EFL1: variants seen among roughly 807,000 people sequenced by gnomAD.
EFL1 encodes elongation factor-like GTPase 1.
Under a neutral mutation model 126.7 loss-of-function variants are expected in EFL1, and 76 were observed. That is an observed-to-expected ratio of 0.60 (90% CI 0.50 to 0.73). The LOEUF is 0.73. EFL1 is among the 30% of genes least tolerant of loss of function. The probability of loss-of-function intolerance (pLI) is 0.00; values close to 1 mark genes in which losing one functional copy is unlikely to be tolerated. For synonymous variants in EFL1, 410 were observed against 448.4 expected (o/e 0.91, Z 1.08); for missense variants, 1,128 against 1,343.2 (o/e 0.84, Z 2.50).
Position 82,261,898 on chromosome 15 carries a change from C to T in EFL1, c.-19-101G>A. On this transcript the variant is annotated intron_variant, in intron 1 of 19. Coordinates refer to ENST00000268206, the MANE Select transcript of EFL1 (RefSeq NM_024580.6). ...TGGGAGGTGGCAAGCTTCTCAAACC[C>T]CTTAAACCAAGAACCCAGTGAATGT... is the stretch of plus-strand genomic sequence containing the variant. 14 of 822,648 alleles carry T rather than the reference C, an allele frequency of 1.7e-5. No homozygotes were observed. In the South Asian group the frequency reaches 2.2e-4, roughly 13 times the overall value. The allele number at this position is 822,648 out of a possible 1,614,324, so 51.0% of individuals were successfully genotyped here.
chr15:82,218,931 G>A (rs1354194464), intron 14 of EFL1, among the ~76,000 whole-genome samples: 1 of 152,098 alleles, frequency 6.6e-6, no homozygotes, highest in African/African-American at 2.4e-5. Flanking sequence ...CAGACAGGCT[G>A]CTTCCTGCAC....
chr15:82,130,666 T>A lies in EFL1; in HGVS notation c.3175-105A>T. The A allele has an allele frequency of 2.4e-6, 3 of 1,237,356 alleles. No homozygotes were observed. The South Asian group carries it at 4.5e-5, about 19-fold the overall frequency. The allele number at this position is 1,237,356 out of a possible 1,614,324, so 76.6% of individuals were successfully genotyped here. ...ATAGTCTTAGCTAATGAAAAAAAGT[T>A]AGGCAATGAACAGCTAAGCTTGCTA... is the stretch of plus-strand genomic sequence containing the variant. On this transcript the variant is annotated intron_variant, in intron 19 of 19. Coordinates refer to ENST00000268206, the MANE Select transcript of EFL1 (RefSeq NM_024580.6).
intron 12 of EFL1, among the ~76,000 whole-genome samples, chr15:82,224,608 G>T (rs2074742791): frequency 6.6e-6 from 1 of 152,216 alleles, no homozygotes; most frequent in African/African-American, 2.4e-5. Flanking sequence ...GGAGGTTGCT[G>T]CAACAATATC....
rs1194770123 is a variant in EFL1, at chr15:82,261,719, C to T, written c.60G>A (p.Arg20=). The change falls in exon 2 of 20, where the codon AGG becomes AGA. Residue 20 remains arginine (R), a synonymous_variant. Transcript: ENST00000268206. ...IQLQKNTANI[R]NICVLAHVDH... is the part of the protein sequence containing the mutation. ...CAACATGAGCCAAAACACAAATATT[C>T]CTGATGTTGGCAGTGTTTTTCTGGA... is the stretch of plus-strand genomic sequence containing the variant. 5 of 1,614,014 alleles carry T rather than the reference C, an allele frequency of 3.1e-6. No individual in the cohort carries two copies. Among genetic ancestry groups the T allele is most frequent in the Non-Finnish European group, 4.2e-6 (5 of 1,180,000 alleles).
chr15:82,239,542 T>C (rs1347157956), intron 6 of EFL1, among the ~76,000 whole-genome samples: 1 of 152,204 alleles, frequency 6.6e-6, no homozygotes, highest in Non-Finnish European at 1.5e-5. Context: ...CAAGTTGCTC[T>C]CATCAACAGC....
At chr15:82,144,854 G>A (rs973182985) in intron 18 of EFL1, among the ~76,000 whole-genome samples, 2 of 152,012 alleles carry the variant, frequency 1.3e-5, no homozygotes, top group Non-Finnish European at 2.9e-5. Flanking sequence ...TTAGCTGGGC[G>A]TGGTGGTGCG....
At chr15:82,151,352 C>G in intron 18 of EFL1, 113 bp downstream of exon 18, 1 of 1,016,240 alleles carries the variant, frequency 9.8e-7, no homozygotes, top group Admixed American at 2.3e-5. Flanking sequence ...TGTGCCACTG[C>G]ACTCCAGCTG....
At chr15:82,160,915 T>A (rs1014766789) in intron 16 of EFL1, among the ~76,000 whole-genome samples, 1 of 152,180 alleles carries the variant, frequency 6.6e-6, no homozygotes, top group Non-Finnish European at 1.5e-5. Flanking sequence ...AATGAGATAA[T>A]CAATGTAAAA....
chr15:82,183,087 T>G (rs769907266), intron 15 of EFL1, among the ~76,000 whole-genome samples: 5 of 152,158 alleles, frequency 3.3e-5, no homozygotes, highest in Non-Finnish European at 4.4e-5. Flanking sequence ...GCCCACCTGA[T>G]ACCGAGGTTT....
At chr15:82,216,292 G>A (rs1214611156) in intron 14 of EFL1, among the ~76,000 whole-genome samples, 1 of 152,130 alleles carries the variant, frequency 6.6e-6, no homozygotes, top group Non-Finnish European at 1.5e-5. Flanking sequence ...ATTATAAAAT[G>A]CTGATTCATG....
At chr15:82,131,788 G>C (rs112374592) in intron 19 of EFL1, among the ~76,000 whole-genome samples, 7,624 of 151,686 alleles carry the variant, frequency 0.05, 510 homozygotes, top group African/African-American at 0.15. Context: ...GTGAAACTCT[G>C]TCTCAAAAGA....
chr15:82,135,857 G>A (rs540616228), intron 19 of EFL1, among the ~76,000 whole-genome samples: 2 of 152,284 alleles, frequency 1.3e-5, no homozygotes, highest in African/African-American at 4.8e-5. Flanking sequence ...TGATGCGGGA[G>A]GTAGAACGGC....
In EFL1 at chr15:82,248,183, C is replaced by T. The variant is rs148558290; in HGVS notation, c.244+4508G>A. Among the ~76,000 whole-genome samples, 43 of 152,220 alleles carry T rather than the reference C, an allele frequency of 2.8e-4. No homozygotes were observed. The East Asian group carries it at 7.5e-3, about 27-fold the overall frequency. On this transcript the variant is annotated intron_variant, in intron 4 of 19. Transcript: ENST00000268206. ...GACACCTAGCTCAGAAGTGAACTAT[C>T]GTGTACCTAGTTTCTTAGGCCTGGC... is the stretch of plus-strand genomic sequence containing the variant.
At chr15:82,196,521 T>C (rs773011943) in intron 15 of EFL1, among the ~76,000 whole-genome samples, 12 of 152,242 alleles carry the variant, frequency 7.9e-5, no homozygotes, top group Non-Finnish European at 1.6e-4. Context: ...AATAAAATTA[T>C]AGCTAATAAG....
At position 82,229,065 on chromosome 15, in the gene EFL1, T is replaced by C; in HGVS notation, c.901A>G (p.Ile301Val). 6.2e-7 allele frequency: 1 copy of C among 1,612,222 alleles called. No homozygotes were observed. Among genetic ancestry groups the C allele is most frequent in the East Asian group, 2.2e-5 (1 of 44,758 alleles). Residue 301 changes from isoleucine to valine, a missense_variant, in exon 9 of 20, where the codon ATA becomes GTA. Physicochemically the swap from Ile to Val is conservative, Grantham distance 29. Coordinates refer to ENST00000268206, the MANE Select transcript of EFL1 (RefSeq NM_024580.6). Reference sequence around the variant, plus strand: ...AAAACAGCATCATACAAACTCCATATATTTTCCAGGATCAACTGTACAAAT... The same window carrying C: ...AAAACAGCATCATACAAACTCCATACATTTTCCAGGATCAACTGTACAAAT... ...PLFVQLILEN[I>V]WSLYDAVLKK...
intron 3 of EFL1, among the ~76,000 whole-genome samples, chr15:82,257,757 T>A (rs1188599836): frequency 1.3e-5 from 2 of 152,214 alleles, no homozygotes; most frequent in Non-Finnish European, 2.9e-5. Context: ...TTAATTAAAG[T>A]CCATAGTTTA....
intron 3 of EFL1, 35 bp downstream of exon 3, chr15:82,259,053 G>A: frequency 6.3e-7 from 1 of 1,576,034 alleles, no homozygotes; most frequent in Non-Finnish European, 8.7e-7. Context: ...AGCTAATACT[G>A]AAATGCAACA....
At position 82,157,730 on chromosome 15, in the gene EFL1, C is replaced by T. The variant is rs766820458; in HGVS notation, c.2013G>A (p.Leu671=). 5 of 1,612,350 alleles carry T rather than the reference C, an allele frequency of 3.1e-6. No individual in the cohort carries two copies. In the South Asian group the frequency reaches 3.3e-5, roughly 11 times the overall value. The change falls in exon 17 of 20, where the codon CTG becomes CTA. Residue 671 remains leucine, a synonymous_variant. Coordinates refer to ENST00000268206, the MANE Select transcript of EFL1 (RefSeq NM_024580.6). ...TAGEVHLQRC[L]DDLKERFAKI... is the part of the protein sequence containing the mutation. The stretch of plus-strand genomic sequence containing the variant: ...CACCTAACCTTTCTTTTAAGTCATC[C>T]AGGCATCGCTGAAGGTGGACTTCTC...
intron 4 of EFL1, among the ~76,000 whole-genome samples, chr15:82,245,951 G>A (rs894449036): frequency 1.3e-5 from 2 of 149,892 alleles, no homozygotes; most frequent in African/African-American, 4.9e-5. Context: ...AAAAAAAAGT[G>A]ACAGGGGTTA....
Sources: allele counts gnomAD v4.1 joint callset (sites outside exome capture counted in the v4.1 genomes callset), GRCh38; gene constraint gnomAD v4.1.1; transcripts MANE v1.5; gene names NCBI Gene and HGNC (gene_info 2026-07-23, HGNC 2026-07-21).